Variants in WDR72 observed in about 807,000 individuals in gnomAD.
WDR72 encodes the protein WD repeat domain 72.
Under a neutral mutation model 124.2 loss-of-function variants are expected in WDR72, and 120 were observed. The observed-to-expected ratio is 0.97, with a 90% CI of 0.83 to 1.12. The LOEUF (loss-of-function observed/expected upper bound fraction) is 1.12, where lower values mean the gene tolerates loss of function less well. WDR72 is among the 50% of genes most tolerant of loss of function. WDR72 has a pLI of 0.00. For missense variants in WDR72, 1,387 were observed against 1,278.8 expected, an observed-to-expected ratio of 1.08 and a Z score of -1.29; for synonymous variants, 452 against 441.7, an observed-to-expected ratio of 1.02 and a Z score of -0.29.
At chr15:53,545,567 C>T (rs1375750971) in intron 18 of WDR72, among the ~76,000 whole-genome samples, 2 of 151,858 alleles carry the variant, frequency 1.3e-5, no homozygotes, top group African/African-American at 4.8e-5. Flanking sequence ...ACCCTAGAAG[C>T]AAACCTAGGC....
intron 14 of WDR72, among the ~76,000 whole-genome samples, chr15:53,643,828 CA>C (rs200886121): frequency 5.4e-5 from 8 of 148,796 alleles, no homozygotes; most frequent in African/African-American, 9.9e-5. Context: ...TACCCTGTCA[CA>C]AAAAAAAATG....
intron 18 of WDR72, among the ~76,000 whole-genome samples, chr15:53,562,615 T>C (rs1894161591): frequency 6.6e-6 from 1 of 151,726 alleles, no homozygotes; most frequent in South Asian, 2.1e-4. Flanking sequence ...TTTATGTAAA[T>C]TGAAAAGTTA....
chr15:53,668,733 C>T (rs1595833649), intron 13 of WDR72, among the ~76,000 whole-genome samples: 1 of 151,778 alleles, frequency 6.6e-6, no homozygotes, highest in African/African-American at 2.4e-5. Context: ...GGAGAAACTC[C>T]ATCTTTACAA....
At chr15:53,527,852 G>T (rs1287655536) in intron 18 of WDR72, among the ~76,000 whole-genome samples, 1 of 152,034 alleles carries the variant, frequency 6.6e-6, no homozygotes, top group Non-Finnish European at 1.5e-5. Context: ...AGAACTCAAA[G>T]ATTTGAATTC....
intron 2 of WDR72, among the ~76,000 whole-genome samples, chr15:53,732,156 G>C (rs2018220931): frequency 6.6e-6 from 1 of 152,176 alleles, no homozygotes; most frequent in Non-Finnish European, 1.5e-5. Flanking sequence ...CTGCAATGCA[G>C]TTCTTGGCAG....
intron 14 of WDR72, among the ~76,000 whole-genome samples, chr15:53,647,511 T>C (rs999383401): frequency 2.6e-5 from 4 of 152,080 alleles, no homozygotes; most frequent in African/African-American, 9.7e-5. Flanking sequence ...TAATTTTATA[T>C]AGAGCCCTAC....
chr15:53,594,642 A>T (rs956858769), intron 18 of WDR72, among the ~76,000 whole-genome samples: 2 of 146,148 alleles, frequency 1.4e-5, no homozygotes, highest in African/African-American at 5.3e-5. Flanking sequence ...AAAAAAAAAA[A>T]CTAGCTTATA....
chr15:53,573,150 A>T (rs536662932), intron 18 of WDR72, among the ~76,000 whole-genome samples: 2 of 152,304 alleles, frequency 1.3e-5, no homozygotes, highest in East Asian at 3.9e-4. Context: ...TCAAACTTCT[A>T]GTGATTTAAC....
chr15:53,712,785 G>C lies in WDR72; in HGVS notation c.698C>G (p.Ser233Cys). 6.2e-7 allele frequency: 1 copy of C among 1,612,652 alleles called. No homozygotes were observed. Residue 233 changes from serine to cysteine, a missense_variant, in exon 7 of 20, where the codon TCT (serine) becomes TGT (cysteine). Physicochemically the swap from Ser to Cys is moderately radical, Grantham distance 112. Transcript: ENST00000360509. ...YTERLLLVVF[S>C]KCWKVYDYCD... ...ACTTTATAATACCTTCCAACATTTA[G>C]AAAATACCACCAATAGAAGTCTCTC...
chr15:53,739,063 T>G (rs1008413788), intron 1 of WDR72, among the ~76,000 whole-genome samples: 1 of 152,182 alleles, frequency 6.6e-6, no homozygotes, highest in Non-Finnish European at 1.5e-5. Flanking sequence ...AACAGATACA[T>G]TCTTATATAT....
chr15:53,678,716 G>A (rs923815745), intron 13 of WDR72, among the ~76,000 whole-genome samples: 2 of 152,142 alleles, frequency 1.3e-5, no homozygotes, highest in Non-Finnish European at 2.9e-5. Flanking sequence ...CCCAGTATGC[G>A]TGGCTGCGTA....
rs1891419470 is a variant in WDR72 at position 53,515,651 on chromosome 15, T to TGCCGAAAAATCCTAACATTTCCACTTA, written c.*2021_*2047dup. 6.6e-6 allele frequency: 1 copy of TGCCGAAAAATCCTAACATTTCCACTTA among 152,178 alleles called. No individual in the cohort carries two copies. Among genetic ancestry groups the TGCCGAAAAATCCTAACATTTCCACTTA allele is most frequent in the South Asian group, 2.1e-4 (1 of 4,830 alleles). The allele number at this position is 152,178 out of a possible 1,614,324, so 9.4% of individuals were successfully genotyped here. A position where few individuals can be genotyped will look rare whatever the true frequency, so the allele number is the denominator to read the frequency against. On this transcript the variant is annotated 3_prime_UTR_variant, in exon 20 of 20. Transcript: ENST00000360509. Reference sequence around the variant, plus strand: ...AAATTTTAGAGATTCTAACATGCGATGCCGAAAAATCCTAACATTTCCACT... The same window carrying TGCCGAAAAATCCTAACATTTCCACTTA: ...AAATTTTAGAGATTCTAACATGCGATGCCGAAAAATCCTAACATTTCCACTTAGCCGAAAAATCCTAACATTTCCACT...
intron 19 of WDR72, among the ~76,000 whole-genome samples, chr15:53,517,993 G>T (rs999687408): frequency 6.6e-6 from 1 of 151,552 alleles, no homozygotes; most frequent in Non-Finnish European, 1.5e-5. Flanking sequence ...TTATAAAGTA[G>T]GTAAATACAC....
chr15:53,725,498 C>G (rs1470940220), intron 2 of WDR72, among the ~76,000 whole-genome samples: 1 of 152,206 alleles, frequency 6.6e-6, no homozygotes, highest in Non-Finnish European at 1.5e-5. Flanking sequence ...ACACAAAAAT[C>G]TGTACACAAA....
At chr15:53,540,586 CAA>C (rs1893043237) in intron 18 of WDR72, among the ~76,000 whole-genome samples, 1 of 108,056 alleles carries the variant, frequency 9.3e-6, no homozygotes, top group African/African-American at 3.2e-5. Context: ...AAAAAAAAAA[CAA>C]GAGGAAAGAA....
At chr15:53,627,779 T>C (rs539316081) in intron 14 of WDR72, among the ~76,000 whole-genome samples, 12 of 152,332 alleles carry the variant, frequency 7.9e-5, no homozygotes, top group African/African-American at 2.6e-4. Context: ...ACTTGATTCA[T>C]TATATAGTCA....
chr15:53,613,386 AATGTT>A (rs754568397), intron 16 of WDR72, among the ~76,000 whole-genome samples: 1 of 152,040 alleles, frequency 6.6e-6, no homozygotes, highest in Admixed American at 6.6e-5. Context: ...TAAATGTTCA[AATGTT>A]ATGTCTATGT....
chr15:53,665,376 T>C (rs1032373581), intron 14 of WDR72, among the ~76,000 whole-genome samples, 196 bp downstream of exon 14: 1 of 152,206 alleles, frequency 6.6e-6, no homozygotes, highest in African/African-American at 2.4e-5. Flanking sequence ...ACCTATTTTG[T>C]CAAAAATCAT....
At chr15:53,682,450 A>C (rs2016425689) in intron 13 of WDR72, among the ~76,000 whole-genome samples, 1 of 152,108 alleles carries the variant, frequency 6.6e-6, no homozygotes, top group Non-Finnish European at 1.5e-5. Context: ...TGCAGTATTA[A>C]TTGTTTATTT....
Sources: gnomAD v4.1 joint callset for allele counts (sites outside exome capture counted in the v4.1 genomes callset) on GRCh38, gnomAD v4.1.1 for gene constraint, MANE v1.5 for transcripts, NCBI Gene and HGNC (gene_info 2026-07-23, HGNC 2026-07-21) for gene names.